Variants in MAD2L2 observed in about 807,000 individuals in gnomAD.
MAD2L2 encodes the protein mitotic arrest deficient 2 like 2, also known as mitotic spindle assembly checkpoint protein MAD2B.
MAD2L2 carries 17 observed loss-of-function variants against 30.5 expected under a neutral mutation model. The ratio of observed to expected loss-of-function variants is 0.56; its 90% confidence interval spans 0.38 to 0.84. The LOEUF is 0.84. Among genes scored for constraint, MAD2L2 ranks in the 40% least tolerant of loss-of-function variants. The pLI is 0.00. For missense variants in MAD2L2, 213 were observed against 277.4 expected, an observed-to-expected ratio of 0.77 and a Z score of 1.65; for synonymous variants, 101 against 113.9, an observed-to-expected ratio of 0.89 and a Z score of 0.72.
intron 3 of MAD2L2, among the ~76,000 whole-genome samples, chr1:11,678,205 A>C (rs1362821778): frequency 2.6e-5 from 4 of 152,148 alleles, no homozygotes; most frequent in Non-Finnish European, 5.9e-5. Flanking sequence ...ACCTGAGGTC[A>C]GGAGTTTGAG....
Position 11,676,868 on chromosome 1 carries a change from C to A in MAD2L2, c.312G>T (p.Gln104His), listed in dbSNP as rs1387402914. 6.2e-7 allele frequency: 1 copy of A among 1,614,000 alleles called. No individual in the cohort carries two copies. Among genetic ancestry groups the A allele is most frequent in the Non-Finnish European group, 8.5e-7 (1 of 1,179,980 alleles). ...PVEKFVFEIT[Q>H]PPLLSISSDS... ...CCCACCTGATGGACAGCAGTGGAGG[C>A]TGGGTGATCTCAAAGACGAATTTCT... is the stretch of plus-strand genomic sequence containing the variant. The change falls in exon 5 of 9, where the codon CAG becomes CAT. Residue 104 changes from glutamine to histidine, a missense_variant. By Grantham distance (24) the Gln-to-His change is conservative (BLOSUM62 0). Coordinates refer to ENST00000376692, the MANE Select transcript of MAD2L2 (RefSeq NM_006341.4).
chr1:11,686,121 C>T (rs1640951971), upstream of MAD2L2, among the ~76,000 whole-genome samples: 1 of 152,196 alleles, frequency 6.6e-6, no homozygotes, highest in Non-Finnish European at 1.5e-5. Flanking sequence ...TCCTTAGCGG[C>T]ATCCCCATAG....
chr1:11,675,183 G>C lies in MAD2L2; in HGVS notation c.502-9C>G. On this transcript the variant is annotated splice_polypyrimidine_tract_variant and intron_variant, in intron 7 of 8. Coordinates refer to ENST00000376692, the MANE Select transcript of MAD2L2 (RefSeq NM_006341.4). ...AGGATCCAGGGGAAATCCTAGGGAG[G>C]AGACAAAGGTCAGGGGGGTGACGGG... 6.3e-7 allele frequency: 1 copy of C among 1,578,872 alleles called. No individual in the cohort carries two copies. The highest frequency in any genetic ancestry group is 8.6e-7 in the Non-Finnish European group (1 of 1,159,132).
rs1434898106 is a variant in MAD2L2, at chr1:11,676,721, T to G, written c.332+127A>C. On this transcript the variant is annotated intron_variant, in intron 5 of 8. Coordinates refer to ENST00000376692, the MANE Select transcript of MAD2L2 (RefSeq NM_006341.4). ...CTCACAGGCTGTCCCCTTGTCATGC[T>G]GGTGCTTCTTGCCCTTTCTCCTCCC... The G allele has an allele frequency of 4.1e-6, 3 of 734,268 alleles. No individual in the cohort carries two copies. The East Asian group carries it at 8.0e-5, about 20-fold the overall frequency. 45.5% of individuals were successfully genotyped at this position (734,268 alleles called of 1,614,324 possible).
intron 1 of MAD2L2, among the ~76,000 whole-genome samples, chr1:11,689,717 G>A (rs548369974): frequency 1.6e-4 from 25 of 152,292 alleles, no homozygotes; most frequent in African/African-American, 6.0e-4. Context: ...TGCTGTCTAT[G>A]GAGTAGTCAT....
At position 11,688,626 on chromosome 1, in the gene MAD2L2, CT is replaced by C. The variant is rs1641005153; in HGVS notation, c.-692+2786del. Among the ~76,000 whole-genome samples, 1 of 152,128 alleles carries C rather than the reference CT, an allele frequency of 6.6e-6. No individual in the cohort carries two copies. Among genetic ancestry groups the C allele is most frequent in the African/African-American group, 2.4e-5 (1 of 41,442 alleles). On this transcript the variant is annotated intron_variant, in intron 1 of 10. Transcript: ENST00000235310. The surrounding 1 kb of genome is among the most constrained non-coding windows in gnomAD (Gnocchi z 4.6). ...ACCTAAGTCGGATCATGTCTCTGCTCTGCTCATGGTCCCTCTAAAAAGCTCA... is the reference window on the plus strand; with the variant it reads ...ACCTAAGTCGGATCATGTCTCTGCTCGCTCATGGTCCCTCTAAAAAGCTCA...
Position 11,690,574 on chromosome 1 carries a change from G to T in MAD2L2, c.-692+839C>A, listed in dbSNP as rs1015461974. Among the ~76,000 whole-genome samples, 2 of 152,216 alleles carry T rather than the reference G, an allele frequency of 1.3e-5. No homozygotes were observed. The highest frequency in any genetic ancestry group is 2.9e-5 in the Non-Finnish European group (2 of 68,048). ...ACATTTAGCCTGACGGCAGAACTGT[G>T]TTCTAAAACCTCAAAGTCATAATTT... On this transcript the variant is annotated intron_variant, in intron 1 of 10. Transcript: ENST00000235310. This position sits in a 1 kb window ranked among gnomAD's most constrained non-coding sequence, Gnocchi z 4.2.
Position 11,674,841 on chromosome 1 carries a change from C to T in MAD2L2, c.595-25G>A. Reference sequence around the variant, plus strand: ...TCTGACGGACACAAGCAAACAGCCACAGTCAGCAAGACAGCCAGGGCATCC... The same window carrying T: ...TCTGACGGACACAAGCAAACAGCCATAGTCAGCAAGACAGCCAGGGCATCC... On this transcript the variant is annotated intron_variant, in intron 8 of 8. Coordinates refer to ENST00000376692, the MANE Select transcript of MAD2L2 (RefSeq NM_006341.4). This position sits in a 1 kb window ranked among gnomAD's most constrained non-coding sequence, Gnocchi z 6.1. 1 of 1,613,470 alleles carries T rather than the reference C, an allele frequency of 6.2e-7. No homozygotes were observed. Among genetic ancestry groups the T allele is most frequent in the Non-Finnish European group, 8.5e-7 (1 of 1,179,826 alleles).
rs574982937 is a variant in MAD2L2, at chr1:11,690,642, T to C, written c.-692+771A>G. On this transcript the variant is annotated intron_variant, in intron 1 of 10. Transcript: ENST00000235310. This position sits in a 1 kb window ranked among gnomAD's most constrained non-coding sequence, Gnocchi z 4.2. ...GAAAACAGTCGAAATGGAAGCCACC[T>C]GGCGAGCTCAGGGCGCCAGGTGGGA... 1.1e-4 allele frequency among the ~76,000 whole-genome samples: 16 copies of C among 152,292 alleles called. No individual in the cohort carries two copies. The East Asian group carries it at 3.1e-3, about 29-fold the overall frequency.
At chr1:11,679,056 C>T (rs1261821975) in intron 3 of MAD2L2, among the ~76,000 whole-genome samples, 4 of 152,022 alleles carry the variant, frequency 2.6e-5, no homozygotes, top group East Asian at 1.9e-4. Context: ...CCCAGCTACT[C>T]GGGAGGCTGA....
At position 11,676,959 on chromosome 1, in the gene MAD2L2, A is replaced by G. The variant is rs371928795; in HGVS notation, c.232-11T>C. On this transcript the variant is annotated splice_polypyrimidine_tract_variant and intron_variant, in intron 4 of 8. Transcript: ENST00000376692. ...TTTCTCCACATCATTCTGCAAAGAG[A>G]GGAACCCCCACTGCAGAGCCAGGCA... The G allele has an allele frequency of 6.6e-5, 106 of 1,604,702 alleles. No homozygotes were observed. Among genetic ancestry groups the G allele is most frequent in the Non-Finnish European group, 8.5e-5 (100 of 1,171,622 alleles).
intron 3 of MAD2L2, 94 bp downstream of exon 3, chr1:11,680,259 G>A: frequency 9.5e-7 from 1 of 1,055,494 alleles, no homozygotes; most frequent in South Asian, 1.5e-5. Context: ...GCCTCCCAAA[G>A]TGCTAGGATT....
In MAD2L2 at chr1:11,675,145, C is replaced by G. The variant is rs984052705; in HGVS notation, c.531G>C (p.Gln177His). ...GCCGGGGGTCATGCATGTGGACATC[C>G]TGCTCATCCGCCAGGATCCAGGGGA... ...KDFPWILADE[Q>H]DVHMHDPRLI... Residue 177 changes from glutamine to histidine, a missense_variant, in exon 8 of 9, where the codon CAG (glutamine) becomes CAC (histidine). Gln to His is a conservative substitution (Grantham distance 24, BLOSUM62 0). Coordinates refer to ENST00000376692, the MANE Select transcript of MAD2L2 (RefSeq NM_006341.4). 6.2e-7 allele frequency: 1 copy of G among 1,604,086 alleles called. No homozygotes were observed. The highest frequency in any genetic ancestry group is 1.7e-5 in the Admixed American group (1 of 58,354).
upstream of MAD2L2, among the ~76,000 whole-genome samples, chr1:11,684,590 G>A (rs1056020023): frequency 2.6e-5 from 4 of 152,088 alleles, no homozygotes; most frequent in Non-Finnish European, 4.4e-5. Context: ...AGACCTGCTC[G>A]GGCAGAGGAG....
chr1:11,689,321 G>A (rs1641020389), intron 1 of MAD2L2, among the ~76,000 whole-genome samples: 1 of 149,966 alleles, frequency 6.7e-6, no homozygotes, highest in Admixed American at 6.7e-5. Flanking sequence ...AAAAAGGCTG[G>A]GTGCTGTAGC....
chr1:11,688,896 C>T lies in MAD2L2; in HGVS notation c.-692+2517G>A, dbSNP rs1437206215. 6.6e-6 allele frequency among the ~76,000 whole-genome samples: 1 copy of T among 152,188 alleles called. No homozygotes were observed. Among genetic ancestry groups the T allele is most frequent in the African/African-American group, 2.4e-5 (1 of 41,448 alleles). ...TCAAAACCCACCAAAAGCAAGATGG[C>T]CACGAGACCAACCTCTGGTCATCCT... On this transcript the variant is annotated intron_variant, in intron 1 of 10. Transcript: ENST00000235310. This position sits in a 1 kb window ranked among gnomAD's most constrained non-coding sequence, Gnocchi z 4.6.
At chr1:11,683,926 G>A (rs141641080), upstream of MAD2L2, among the ~76,000 whole-genome samples, 1,479 of 152,248 alleles carry the variant, frequency 9.7e-3, 24 homozygotes, top group African/African-American at 0.033. Flanking sequence ...AGCCAAGATC[G>A]CACCATTGCA....
At chr1:11,691,136 C>T (rs1289633147) in intron 1 of MAD2L2, among the ~76,000 whole-genome samples, 1 of 152,204 alleles carries the variant, frequency 6.6e-6, no homozygotes, top group Non-Finnish European at 1.5e-5. Flanking sequence ...TACAAAGGCC[C>T]CGCCGTTCCC....
rs767807551 is a variant in MAD2L2, at chr1:11,677,601, G to A, written c.173C>T (p.Pro58Leu). The change falls in exon 4 of 9, where the codon CCG becomes CTG. Residue 58 changes from proline to leucine, a missense_variant. By Grantham distance (98) the Pro-to-Leu change is moderately conservative. Transcript: ENST00000376692. ...GTCCTGGATATACTGATTCAGCTCC[G>A]GGTGGCAGGACATCTGCACACAATA... ...YNVPVQMSCH[P>L]ELNQYIQDTL... 3.7e-6 allele frequency: 6 copies of A among 1,613,004 alleles called. No homozygotes were observed. Among genetic ancestry groups the A allele is most frequent in the Admixed American group, 3.3e-5 (2 of 59,982 alleles).
Sources: gnomAD v4.1 joint callset for allele counts (sites outside exome capture counted in the v4.1 genomes callset) on GRCh38, gnomAD v4.1.1 for gene constraint, Gnocchi (gnomAD v3.1) non-coding constraint, MANE v1.5 for transcripts, NCBI Gene and HGNC (gene_info 2026-07-23, HGNC 2026-07-21) for gene names.